The following MSRA variants were observed in gnomAD, a reference collection of about 807,000 sequenced individuals.
MSRA encodes the protein methionine sulfoxide reductase A.
MSRA carries 54 observed loss-of-function variants against 31.3 expected under a neutral mutation model. That is an observed-to-expected ratio of 1.73 (90% CI 1.39 to 2.17). The LOEUF (loss-of-function observed/expected upper bound fraction) is 2.17. Among genes scored for constraint, MSRA ranks in the 30% most tolerant of loss-of-function variants. The pLI, the probability that MSRA is intolerant of heterozygous loss-of-function variation, is 0.00. For missense variants in MSRA, 507 were observed against 300.9 expected (o/e 1.69, Z -5.07); for synonymous variants, 169 against 116.5 (o/e 1.45, Z -2.90).
chr8:10,071,358 C>G (rs1012096547), intron 1 of MSRA, among the ~76,000 whole-genome samples: 1 of 151,940 alleles, frequency 6.6e-6, no homozygotes, highest in African/African-American at 2.4e-5. Context: ...TATTGCTTTA[C>G]TCTTCAGCGG....
At chr8:10,334,107 C>T (rs1802873928) in intron 5 of MSRA, among the ~76,000 whole-genome samples, 1 of 152,044 alleles carries the variant, frequency 6.6e-6, no homozygotes, top group Non-Finnish European at 1.5e-5. Flanking sequence ...CCAGCGCCTA[C>T]TGCCTGCTTT....
chr8:10,076,085 T>G (rs577297632), intron 1 of MSRA, among the ~76,000 whole-genome samples: 1 of 104,238 alleles, frequency 9.6e-6, no homozygotes, highest in Non-Finnish European at 2.5e-5. Context: ...GTGCGTCATG[T>G]GCTTACTGGC....
chr8:10,243,900 C>T (rs1404425551), intron 2 of MSRA, among the ~76,000 whole-genome samples: 2 of 151,958 alleles, frequency 1.3e-5, no homozygotes, highest in African/African-American at 4.8e-5. Flanking sequence ...ATTATTTGGC[C>T]TTATATTTTT....
intron 1 of MSRA, among the ~76,000 whole-genome samples, chr8:10,111,152 T>G (rs1363823682): frequency 6.6e-6 from 1 of 152,166 alleles, no homozygotes; most frequent in Admixed American, 6.5e-5. Context: ...TGGATCAACT[T>G]TGATCATTTG....
chr8:10,236,377 T>C (rs950007269), intron 2 of MSRA, among the ~76,000 whole-genome samples: 2 of 152,170 alleles, frequency 1.3e-5, no homozygotes, highest in Admixed American at 6.5e-5. Context: ...GTCAAACCAT[T>C]AGAACTAATA....
intron 1 of MSRA, among the ~76,000 whole-genome samples, chr8:10,108,115 G>A (rs1212165016): frequency 2.0e-5 from 3 of 152,050 alleles, no homozygotes; most frequent in Non-Finnish European, 2.9e-5. Flanking sequence ...CCAGACTTCT[G>A]CAAGTGAGAG....
At chr8:10,252,936 C>G (rs376591495) in intron 3 of MSRA, among the ~76,000 whole-genome samples, 8 of 152,308 alleles carry the variant, frequency 5.3e-5, no homozygotes, top group South Asian at 4.2e-4. Flanking sequence ...CATGTGGTCT[C>G]TCATACTCAC....
At chr8:10,177,928 A>G (rs1806198142) in intron 1 of MSRA, among the ~76,000 whole-genome samples, 1 of 152,200 alleles carries the variant, frequency 6.6e-6, no homozygotes, top group Admixed American at 6.5e-5. Flanking sequence ...AGTTAAGAAA[A>G]CAAAAATAAA....
chr8:10,070,293 C>T (rs1031971387), intron 1 of MSRA, among the ~76,000 whole-genome samples: 2 of 152,192 alleles, frequency 1.3e-5, no homozygotes, highest in East Asian at 3.8e-4. Flanking sequence ...GAAACTTAGT[C>T]AATTTGCATC....
chr8:10,080,774 A>G (rs1798252419), intron 1 of MSRA, among the ~76,000 whole-genome samples: 1 of 151,492 alleles, frequency 6.6e-6, no homozygotes, highest in African/African-American at 2.4e-5. Flanking sequence ...CCTGGGCTCA[A>G]GCGATCCTCC....
chr8:10,097,095 T>A (rs1212972576), intron 1 of MSRA, among the ~76,000 whole-genome samples: 2 of 152,186 alleles, frequency 1.3e-5, no homozygotes, highest in Non-Finnish European at 2.9e-5. Context: ...GCGCCTTAAA[T>A]GATTAATTGT....
chr8:10,149,505 G>T lies in MSRA; in HGVS notation c.143-58328G>T, dbSNP rs577783758. On this transcript the variant is annotated intron_variant, in intron 1 of 5. Transcript: ENST00000317173. ...GGCCTGTGCTGATTGAAGGGAGAAG[G>T]TCGCACCTTATTACAACTTACATCG... 9.2e-5 allele frequency among the ~76,000 whole-genome samples: 14 copies of T among 152,324 alleles called. No homozygotes were observed. The South Asian group carries it at 2.5e-3, about 27-fold the overall frequency.
At chr8:10,238,420 A>G (rs1174465099) in intron 2 of MSRA, among the ~76,000 whole-genome samples, 1 of 152,190 alleles carries the variant, frequency 6.6e-6, no homozygotes, top group African/African-American at 2.4e-5. Context: ...TTTTCCCACT[A>G]GAGTATACAC....
chr8:10,057,712 C>A (rs751858301), intron 1 of MSRA, among the ~76,000 whole-genome samples: 5 of 152,098 alleles, frequency 3.3e-5, no homozygotes, highest in Admixed American at 3.3e-4. Flanking sequence ...GTGTAGCTTG[C>A]CCCTTTGCGC....
chr8:10,287,387 C>T (rs370736806), intron 3 of MSRA, among the ~76,000 whole-genome samples: 36 of 152,252 alleles, frequency 2.4e-4, no homozygotes, highest in African/African-American at 2.2e-4. Context: ...AGATTTAATA[C>T]GCAATTAATG....
intron 1 of MSRA, among the ~76,000 whole-genome samples, chr8:10,172,388 C>G (rs1407915099): frequency 1.3e-5 from 2 of 152,056 alleles, no homozygotes; most frequent in Non-Finnish European, 2.9e-5. Flanking sequence ...GGGCTTCATT[C>G]TGGCGCTGTC....
intron 1 of MSRA, among the ~76,000 whole-genome samples, chr8:10,190,223 G>C (rs1404811745): frequency 1.3e-5 from 2 of 152,140 alleles, no homozygotes; most frequent in East Asian, 3.9e-4. Context: ...CTTCCGTTGA[G>C]CCTGCCCCAG....
intron 3 of MSRA, among the ~76,000 whole-genome samples, chr8:10,276,153 C>G (rs1488686764): frequency 6.6e-6 from 1 of 152,184 alleles, no homozygotes; most frequent in Non-Finnish European, 1.5e-5. Flanking sequence ...GTGGTGGCTA[C>G]TCTGTTTCTT....
chr8:10,122,737 C>T (rs763976579), intron 1 of MSRA, among the ~76,000 whole-genome samples: 1 of 152,072 alleles, frequency 6.6e-6, no homozygotes. Flanking sequence ...ATCTTTGTGT[C>T]CATGTGTTCA....
Sources: allele counts gnomAD v4.1 joint callset (sites outside exome capture counted in the v4.1 genomes callset), GRCh38; gene constraint gnomAD v4.1.1; transcripts MANE v1.5; gene names NCBI Gene and HGNC (gene_info 2026-07-23, HGNC 2026-07-21).